Variants in C1orf21 observed in about 807,000 individuals in gnomAD.
C1orf21 encodes uncharacterized protein C1orf21.
C1orf21 carries 3 observed loss-of-function variants against 18.7 expected under a neutral mutation model. The ratio of observed to expected loss-of-function variants is 0.16; its 90% CI spans 0.07 to 0.42. The LOEUF (loss-of-function observed/expected upper bound fraction) is 0.42. C1orf21 is among the 10% of genes least tolerant of loss of function. C1orf21 has a pLI of 0.99. For synonymous variants in C1orf21, 41 were observed against 46.4 expected, an observed-to-expected ratio of 0.88 and a Z score of 0.47; for missense variants, 104 against 143.6, an observed-to-expected ratio of 0.72 and a Z score of 1.41.
At chr1:184,493,846 A>G (rs1657851783) in intron 2 of C1orf21, among the ~76,000 whole-genome samples, 2 of 152,188 alleles carry the variant, frequency 1.3e-5, no homozygotes, top group Non-Finnish European at 2.9e-5. Context: ...CCATGATGCA[A>G]TTGTTAAATG....
At chr1:184,451,357 C>T (rs1341987367) in intron 1 of C1orf21, among the ~76,000 whole-genome samples, 1 of 152,028 alleles carries the variant, frequency 6.6e-6, no homozygotes, top group Non-Finnish European at 1.5e-5. Context: ...ACGGCACGAT[C>T]ATAGCTCACT....
chr1:184,443,582 A>G (rs1332752302), intron 1 of C1orf21, among the ~76,000 whole-genome samples: 1 of 152,176 alleles, frequency 6.6e-6, no homozygotes, highest in African/African-American at 2.4e-5. Flanking sequence ...AGGTTTGTCT[A>G]CTTGGTGTTA....
At chr1:184,598,122 AT>A (rs944274665) in intron 4 of C1orf21, among the ~76,000 whole-genome samples, 1 of 152,100 alleles carries the variant, frequency 6.6e-6, no homozygotes, top group Non-Finnish European at 1.5e-5. Context: ...TGAAGAAACA[AT>A]TTGGCATTCA....
chr1:184,522,067 G>A (rs1658312942), intron 3 of C1orf21, among the ~76,000 whole-genome samples: 1 of 152,164 alleles, frequency 6.6e-6, no homozygotes, highest in Admixed American at 6.5e-5. Context: ...CACTGTTGGA[G>A]TGGGAGGTTA....
At chr1:184,446,328 C>T (rs950800456) in intron 1 of C1orf21, among the ~76,000 whole-genome samples, 1 of 152,098 alleles carries the variant, frequency 6.6e-6, no homozygotes, top group Non-Finnish European at 1.5e-5. Context: ...TCCTATTCTT[C>T]AGCCTCACCT....
chr1:184,541,296 G>A (rs1305311001), intron 3 of C1orf21, among the ~76,000 whole-genome samples: 1 of 152,100 alleles, frequency 6.6e-6, no homozygotes, highest in African/African-American at 2.4e-5. Flanking sequence ...TCCCCCTCAG[G>A]ACCCCTAGGT....
At chr1:184,556,383 G>A (rs979066669) in intron 3 of C1orf21, among the ~76,000 whole-genome samples, 1 of 152,170 alleles carries the variant, frequency 6.6e-6, no homozygotes, top group African/African-American at 2.4e-5. Context: ...GCCTCTGCTG[G>A]TGAAGGAAGT....
At chr1:184,560,723 C>T (rs1239342914) in intron 3 of C1orf21, among the ~76,000 whole-genome samples, 1 of 152,152 alleles carries the variant, frequency 6.6e-6, no homozygotes, top group Non-Finnish European at 1.5e-5. Context: ...GCAGGCTCTC[C>T]AGAATCCTCC....
rs370397553 is a variant in C1orf21, at chr1:184,617,849, C to T, written c.328-1669C>T. Reference sequence around the variant, plus strand: ...GGCCAGTTGGCATGGGAGTGAGCAGCCCCACCTGCTTCCACAGGCCTGAAG... The same window carrying T: ...GGCCAGTTGGCATGGGAGTGAGCAGTCCCACCTGCTTCCACAGGCCTGAAG... On this transcript the variant is annotated intron_variant, in intron 5 of 5. Coordinates refer to ENST00000235307, the MANE Select transcript of C1orf21 (RefSeq NM_030806.4). Among the ~76,000 whole-genome samples the T allele has an allele frequency of 6.6e-5, 10 of 151,780 alleles. No homozygotes were observed. The East Asian group carries it at 1.7e-3, about 26-fold the overall frequency.
chr1:184,442,258 T>A (rs1284432931), intron 1 of C1orf21, among the ~76,000 whole-genome samples: 1 of 152,210 alleles, frequency 6.6e-6, no homozygotes, highest in East Asian at 1.9e-4. Flanking sequence ...ATCATGATCA[T>A]AGAATCCAGG....
chr1:184,552,117 C>A (rs1017590690), intron 3 of C1orf21, among the ~76,000 whole-genome samples: 1 of 152,078 alleles, frequency 6.6e-6, no homozygotes, highest in Non-Finnish European at 1.5e-5. Context: ...CCCAGGAATA[C>A]TGTTGCAATA....
rs2101959660 is a variant in C1orf21 at position 184,498,363 on chromosome 1, G to A, written c.95-9225G>A. 1.3e-5 allele frequency among the ~76,000 whole-genome samples: 2 copies of A among 152,338 alleles called. 1 individual carries two copies. Among genetic ancestry groups the A allele is most frequent in the African/African-American group, 4.8e-5 (2 of 41,592 alleles). Reference sequence around the variant, plus strand: ...AAGATATATTTCTTCCTTAAGACATGCATCCATGCGTGTATGTCTATGCGT... The same window carrying A: ...AAGATATATTTCTTCCTTAAGACATACATCCATGCGTGTATGTCTATGCGT... On this transcript the variant is annotated intron_variant, in intron 2 of 5. Transcript: ENST00000235307.
chr1:184,586,856 C>T (rs908663358), intron 3 of C1orf21, among the ~76,000 whole-genome samples: 2 of 152,130 alleles, frequency 1.3e-5, no homozygotes, highest in African/African-American at 4.8e-5. Flanking sequence ...AAATCTTTGT[C>T]CATTCCTATG....
rs568316218 is a variant in C1orf21 at position 184,506,591 on chromosome 1, G to A, written c.95-997G>A. On this transcript the variant is annotated intron_variant, in intron 2 of 5. Coordinates refer to ENST00000235307, the MANE Select transcript of C1orf21 (RefSeq NM_030806.4). ...ACTTCATGCTATATGCCAGACAATC[G>A]TTAGTTTGTTGGTTGATGATATTTT... 5.9e-5 allele frequency among the ~76,000 whole-genome samples: 9 copies of A among 152,280 alleles called. No individual in the cohort carries two copies. The South Asian group carries it at 8.3e-4, about 14-fold the overall frequency.
At chr1:184,420,659 A>G (rs1656533046) in intron 1 of C1orf21, among the ~76,000 whole-genome samples, 1 of 152,186 alleles carries the variant, frequency 6.6e-6, no homozygotes, top group East Asian at 1.9e-4. Context: ...GGGAAATCCA[A>G]AAAATGTTTT....
chr1:184,393,625 C>G (rs1185234908), intron 1 of C1orf21, among the ~76,000 whole-genome samples: 1 of 152,162 alleles, frequency 6.6e-6, no homozygotes, highest in Non-Finnish European at 1.5e-5. Flanking sequence ...TTTGCTTCTT[C>G]ACTTCTCTTA....
At chr1:184,488,335 A>G (rs1446569556) in intron 2 of C1orf21, among the ~76,000 whole-genome samples, 1 of 152,314 alleles carries the variant, frequency 6.6e-6, no homozygotes, top group East Asian at 1.9e-4. Context: ...GAGGTTAACA[A>G]ATACATTTTT....
At chr1:184,619,477 A>G in intron 5 of C1orf21, 41 bp from the exon 6 acceptor site, 6 of 1,603,174 alleles carry the variant, frequency 3.7e-6, no homozygotes, top group Non-Finnish European at 5.1e-6. Context: ...CTCTGCTTTG[A>G]ATTTCTCATT....
chr1:184,523,871 T>G (rs549378597), intron 3 of C1orf21, among the ~76,000 whole-genome samples: 8 of 152,280 alleles, frequency 5.3e-5, no homozygotes, highest in Admixed American at 1.3e-4. Flanking sequence ...AAGCATTCCA[T>G]GAGGATAAAC....
Sources: allele counts gnomAD v4.1 joint callset (sites outside exome capture counted in the v4.1 genomes callset), GRCh38; gene constraint gnomAD v4.1.1; transcripts MANE v1.5; gene names NCBI Gene and HGNC (gene_info 2026-07-23, HGNC 2026-07-21).